Variants in PLPP1 observed in about 807,000 individuals in gnomAD.
PLPP1 encodes phospholipid phosphatase 1, also known as lipid phosphate phosphohydrolase 1a.
A neutral mutation model predicts 31.2 loss-of-function variants in PLPP1; 24 were observed. The ratio of observed to expected loss-of-function variants is 0.77; its 90% CI spans 0.56 to 1.08. The LOEUF (loss-of-function observed/expected upper bound fraction) is 1.08, where lower values mean the gene tolerates loss of function less well. Ranked by LOEUF, PLPP1 falls within the 50% of genes least tolerant of loss-of-function variation. The pLI is 0.00. For synonymous variants in PLPP1, 146 were observed against 126.3 expected (o/e 1.16, Z -1.05); for missense variants, 319 against 342.7 (o/e 0.93, Z 0.55).
intron 4 of PLPP1, 69 bp downstream of exon 4, chr5:55,441,782 A>C: frequency 6.7e-7 from 1 of 1,482,908 alleles, no homozygotes; most frequent in Non-Finnish European, 9.4e-7. Context: ...ACAGGTGAGG[A>C]CACTGATGCT....
At chr5:55,515,266 A>G (rs1753531387) in intron 1 of PLPP1, among the ~76,000 whole-genome samples, 1 of 152,194 alleles carries the variant, frequency 6.6e-6, no homozygotes, top group African/African-American at 2.4e-5. Context: ...CCTTCTGGCA[A>G]GATTCTTCTT....
chr5:55,425,355 T>C (rs1751152688), intron 5 of PLPP1, 21 bp from the exon 6 acceptor site: 2 of 1,564,054 alleles, frequency 1.3e-6, no homozygotes, highest in Non-Finnish European at 1.7e-6. Context: ...AAATATTTAA[T>C]GGTATAATTT....
intron 1 of PLPP1, among the ~76,000 whole-genome samples, chr5:55,509,384 T>C (rs547829610): frequency 6.6e-5 from 10 of 152,330 alleles, no homozygotes; most frequent in Non-Finnish European, 8.8e-5. Context: ...CAAAGAACAG[T>C]GCACCCTCAA....
At position 55,469,168 on chromosome 5, in the gene PLPP1, T is replaced by G. The variant is rs932977889; in HGVS notation, c.211-1019A>C. On this transcript the variant is annotated intron_variant, in intron 2 of 5. Coordinates refer to ENST00000307259, the MANE Select transcript of PLPP1 (RefSeq NM_003711.4). The stretch of plus-strand genomic sequence containing the variant: ...TAACATTTGCTATTAAAAAAGACAG[T>G]AAGACTCTAGCTACCTGAAACCAAA... 2.6e-5 allele frequency among the ~76,000 whole-genome samples: 4 copies of G among 152,074 alleles called. No homozygotes were observed. In the East Asian group the frequency reaches 7.7e-4, roughly 29 times the overall value.
chr5:55,446,925 T>C (rs996854080), intron 3 of PLPP1, among the ~76,000 whole-genome samples: 1 of 152,184 alleles, frequency 6.6e-6, no homozygotes, highest in Non-Finnish European at 1.5e-5. Flanking sequence ...CAAAACTCAG[T>C]GTCTATGCCA....
At chr5:55,430,111 G>A (rs1478556429) in intron 4 of PLPP1, among the ~76,000 whole-genome samples, 2 of 152,056 alleles carry the variant, frequency 1.3e-5, no homozygotes, top group Non-Finnish European at 2.9e-5. Flanking sequence ...TGGGCCTGGG[G>A]ACTAGCCACC....
intron 4 of PLPP1, among the ~76,000 whole-genome samples, chr5:55,441,145 G>A (rs1424112354): frequency 6.6e-6 from 1 of 152,134 alleles, no homozygotes; most frequent in Non-Finnish European, 1.5e-5. Context: ...GTGTCCTGAA[G>A]CCTGGTCTTG....
At chr5:55,511,154 T>C (rs1398648787) in intron 1 of PLPP1, among the ~76,000 whole-genome samples, 2 of 152,176 alleles carry the variant, frequency 1.3e-5, no homozygotes, top group African/African-American at 4.8e-5. Flanking sequence ...TAATAGTAAA[T>C]TGTTTGAAGA....
intron 1 of PLPP1, among the ~76,000 whole-genome samples, chr5:55,483,435 G>T (rs1428686954): frequency 2.0e-5 from 3 of 152,054 alleles, no homozygotes; most frequent in Admixed American, 6.6e-5. Flanking sequence ...CTTTGGGGAG[G>T]CTGAGGTGGG....
intron 1 of PLPP1, among the ~76,000 whole-genome samples, chr5:55,513,520 C>T (rs1396757409): frequency 6.6e-6 from 1 of 152,122 alleles, no homozygotes; most frequent in African/African-American, 2.4e-5. Flanking sequence ...GATCCGCCCG[C>T]CTTGGCCTCC....
chr5:55,483,322 C>T (rs187536123), intron 1 of PLPP1, among the ~76,000 whole-genome samples: 1 of 152,222 alleles, frequency 6.6e-6, no homozygotes, highest in Non-Finnish European at 1.5e-5. Flanking sequence ...AAAAGCTAGA[C>T]ATTTTTCATT....
chr5:55,489,450 G>A (rs1189053421), intron 1 of PLPP1, among the ~76,000 whole-genome samples: 2 of 152,052 alleles, frequency 1.3e-5, no homozygotes, highest in African/African-American at 4.8e-5. Context: ...CAGTTATGGT[G>A]GGATGTATTT....
At chr5:55,472,656 A>G (rs577161553) in intron 2 of PLPP1, among the ~76,000 whole-genome samples, 2 of 35,912 alleles carry the variant, frequency 5.6e-5, no homozygotes, top group East Asian at 8.1e-4. Context: ...GAAAGAAAGA[A>G]AGAGAGAGAG....
intron 3 of PLPP1, among the ~76,000 whole-genome samples, chr5:55,451,727 A>G (rs1026686688): frequency 3.3e-5 from 5 of 152,046 alleles, no homozygotes; most frequent in African/African-American, 1.2e-4. Flanking sequence ...ATGCCTGGCT[A>G]ATTTTCTGTA....
rs376753664 is a variant in PLPP1 at position 55,467,848 on chromosome 5, C to T, written c.491+21G>A. On this transcript the variant is annotated intron_variant, in intron 3 of 5. Transcript: ENST00000307259. ...CCAAGAATATACAAGATTAAACAAG[C>T]ATTAGCGATTTAACACTCACCTGCC... 6 of 1,588,822 alleles carry T rather than the reference C, an allele frequency of 3.8e-6. No homozygotes were observed. The African/African-American group carries it at 8.1e-5, about 21-fold the overall frequency.
chr5:55,429,730 C>T (rs529227287), intron 4 of PLPP1, among the ~76,000 whole-genome samples: 1 of 152,100 alleles, frequency 6.6e-6, no homozygotes. Context: ...TTAAAGTCCC[C>T]CACCCACAGC....
chr5:55,525,693 C>T, intron 1 of PLPP1, among the ~76,000 whole-genome samples: 1 of 151,832 alleles, frequency 6.6e-6, no homozygotes. Flanking sequence ...ACCATTTGCA[C>T]ATTAAACCTA....
At chr5:55,462,571 A>G (rs1419081269) in intron 3 of PLPP1, among the ~76,000 whole-genome samples, 1 of 152,178 alleles carries the variant, frequency 6.6e-6, no homozygotes, top group Non-Finnish European at 1.5e-5. Flanking sequence ...ACGTTGAGGC[A>G]AGTAAAGATT....
intron 1 of PLPP1, among the ~76,000 whole-genome samples, chr5:55,481,750 G>C (rs1752671231): frequency 6.6e-6 from 1 of 152,094 alleles, no homozygotes; most frequent in Non-Finnish European, 1.5e-5. Flanking sequence ...CAGACATATA[G>C]GTCAGACTGT....
Sources: gnomAD v4.1 joint callset for allele counts (sites outside exome capture counted in the v4.1 genomes callset) on GRCh38, gnomAD v4.1.1 for gene constraint, MANE v1.5 for transcripts, NCBI Gene and HGNC (gene_info 2026-07-23, HGNC 2026-07-21) for gene names.